The following TAF4B variants were observed in gnomAD, a reference collection of about 807,000 sequenced individuals.
The protein encoded by TAF4B is transcription initiation factor TFIID subunit 4B.
Under a neutral mutation model 86.4 loss-of-function variants are expected in TAF4B, and 38 were observed. The observed-to-expected ratio is 0.44, with a 90% CI of 0.34 to 0.58. The LOEUF (loss-of-function observed/expected upper bound fraction) is 0.58, where lower values mean the gene tolerates loss of function less well. Ranked by LOEUF, TAF4B falls within the 20% of genes least tolerant of loss-of-function variation. The probability of loss-of-function intolerance (pLI) is 0.02; values close to 1 mark genes in which losing one functional copy is unlikely to be tolerated. For synonymous variants in TAF4B, 388 were observed against 391.2 expected, an observed-to-expected ratio of 0.99 and a Z score of 0.10; for missense variants, 988 against 1,027.6, an observed-to-expected ratio of 0.96 and a Z score of 0.53.
chr18:26,345,313 A>G (rs2057168115), intron 13 of TAF4B, among the ~76,000 whole-genome samples: 1 of 152,216 alleles, frequency 6.6e-6, no homozygotes, highest in Non-Finnish European at 1.5e-5. Flanking sequence ...TAGACCAGTC[A>G]GGCATCTGTG....
intron 13 of TAF4B, among the ~76,000 whole-genome samples, chr18:26,345,112 T>C (rs1316801987): frequency 1.3e-5 from 2 of 152,148 alleles, no homozygotes; most frequent in African/African-American, 4.8e-5. Context: ...CACCAAGATA[T>C]GCCTGCTTGT....
intron 5 of TAF4B, among the ~76,000 whole-genome samples, chr18:26,278,167 A>G (rs1223424668): frequency 6.6e-6 from 1 of 152,250 alleles, no homozygotes; most frequent in Non-Finnish European, 1.5e-5. Flanking sequence ...TTGATCTGCA[A>G]CAAAAATGCT....
intron 13 of TAF4B, chr18:26,348,865 T>G (rs548116821): frequency 6.5e-6 from 1 of 153,040 alleles, no homozygotes; most frequent in East Asian, 1.9e-4. Context: ...AGAGAAAGCT[T>G]CTGAATGCAA....
intron 12 of TAF4B, among the ~76,000 whole-genome samples, chr18:26,330,729 C>T (rs2057043400): frequency 6.6e-6 from 1 of 152,146 alleles, no homozygotes; most frequent in Non-Finnish European, 1.5e-5. Flanking sequence ...CAATCCAGTG[C>T]CTCAGAGTTC....
At chr18:26,374,190 A>C (rs1179268050) in intron 14 of TAF4B, among the ~76,000 whole-genome samples, 1 of 152,156 alleles carries the variant, frequency 6.6e-6, no homozygotes, top group African/African-American at 2.4e-5. Context: ...GTAATATTTG[A>C]GGCTTTACAT....
chr18:26,380,501 A>T (rs1337220003), intron 14 of TAF4B, among the ~76,000 whole-genome samples: 1 of 152,208 alleles, frequency 6.6e-6, no homozygotes, highest in African/African-American at 2.4e-5. Context: ...CTTTAAGTTT[A>T]CTATGACTTG....
At chr18:26,351,186 TA>T (rs1261739636) in intron 13 of TAF4B, among the ~76,000 whole-genome samples, 1 of 151,972 alleles carries the variant, frequency 6.6e-6, no homozygotes, top group African/African-American at 2.4e-5. Flanking sequence ...TATACAGCCA[TA>T]AAAAAGAATG....
At chr18:26,233,537 T>G (rs1163859898) in intron 1 of TAF4B, among the ~76,000 whole-genome samples, 1 of 152,100 alleles carries the variant, frequency 6.6e-6, no homozygotes, top group African/African-American at 2.4e-5. Flanking sequence ...GGCTTGAAGT[T>G]GTAGGGTGTA....
chr18:26,296,561 G>A (rs2056665558), intron 9 of TAF4B, among the ~76,000 whole-genome samples: 1 of 151,890 alleles, frequency 6.6e-6, no homozygotes, highest in Non-Finnish European at 1.5e-5. Context: ...TTTATAGTTT[G>A]GAGTTTGGGT....
At chr18:26,389,462 G>A (rs1022412177) in intron 14 of TAF4B, among the ~76,000 whole-genome samples, 1 of 152,166 alleles carries the variant, frequency 6.6e-6, no homozygotes, top group Non-Finnish European at 1.5e-5. Flanking sequence ...TATGCATACA[G>A]CTTTGAAATC....
intron 1 of TAF4B, among the ~76,000 whole-genome samples, chr18:26,243,221 C>T (rs1043879475): frequency 2.6e-5 from 4 of 152,182 alleles, no homozygotes; most frequent in Admixed American, 2.6e-4. Flanking sequence ...TCAGGTACAC[C>T]AATCAGATGT....
At chr18:26,248,078 G>C (rs1248388178) in intron 1 of TAF4B, among the ~76,000 whole-genome samples, 1 of 74,512 alleles carries the variant, frequency 1.3e-5, no homozygotes, top group Non-Finnish European at 2.6e-5. Flanking sequence ...GGATCTCACT[G>C]TTTCCCAGGC....
chr18:26,310,674 G>A (rs2056845378), intron 9 of TAF4B, among the ~76,000 whole-genome samples: 1 of 152,152 alleles, frequency 6.6e-6, no homozygotes, highest in Non-Finnish European at 1.5e-5. Flanking sequence ...AGTAGGTAAT[G>A]TGAACATTTT....
At chr18:26,308,454 T>G (rs922971237) in intron 9 of TAF4B, among the ~76,000 whole-genome samples, 8 of 152,010 alleles carry the variant, frequency 5.3e-5, no homozygotes, top group South Asian at 2.1e-4. Context: ...GAAGTGAAGG[T>G]TGAAGTTATA....
chr18:26,302,093 C>CTGAT (rs1163487815), intron 9 of TAF4B, among the ~76,000 whole-genome samples: 4 of 152,128 alleles, frequency 2.6e-5, no homozygotes, highest in African/African-American at 9.7e-5. Flanking sequence ...AAACAATTGT[C>CTGAT]TGATTGTTTT....
chr18:26,385,998 A>G (rs1287678475), intron 14 of TAF4B, among the ~76,000 whole-genome samples: 2 of 152,150 alleles, frequency 1.3e-5, no homozygotes, highest in African/African-American at 2.4e-5. Context: ...TAAAAATGCT[A>G]TATATTTTGT....
At chr18:26,369,407 C>T (rs1010531264) in intron 14 of TAF4B, among the ~76,000 whole-genome samples, 1 of 152,166 alleles carries the variant, frequency 6.6e-6, no homozygotes, top group Non-Finnish European at 1.5e-5. Context: ...AGAAAGTTAC[C>T]TGTTTTTAAG....
intron 9 of TAF4B, among the ~76,000 whole-genome samples, chr18:26,304,164 G>A (rs568713067): frequency 4.4e-5 from 5 of 112,950 alleles, no homozygotes; most frequent in South Asian, 7.4e-4. Context: ...ATTATAGGTC[G>A]ACTGTTTTTT....
At chr18:26,319,127 G>A (rs1007926236) in intron 10 of TAF4B, among the ~76,000 whole-genome samples, 1 of 152,140 alleles carries the variant, frequency 6.6e-6, no homozygotes, top group African/African-American at 2.4e-5. Context: ...CTGGCAGGTC[G>A]AAGTTGCAGT....
Sources: allele counts gnomAD v4.1 joint callset (sites outside exome capture counted in the v4.1 genomes callset), GRCh38; gene constraint gnomAD v4.1.1; transcripts MANE v1.5; gene names NCBI Gene and HGNC (gene_info 2026-07-23, HGNC 2026-07-21).